CLSTN2: variants seen among roughly 807,000 people sequenced by gnomAD.
CLSTN2 encodes calsyntenin 2.
Under a neutral mutation model 101.2 loss-of-function variants are expected in CLSTN2, and 48 were observed. The observed-to-expected ratio is 0.47, with a 90% CI of 0.38 to 0.60. The LOEUF (loss-of-function observed/expected upper bound fraction) is 0.60, where lower values mean the gene tolerates loss of function less well. Ranked by LOEUF, CLSTN2 falls within the 20% of genes least tolerant of loss-of-function variation. The pLI is 0.00. For synonymous variants in CLSTN2, 481 were observed against 463.6 expected (o/e 1.04, Z -0.48); for missense variants, 1,160 against 1,238.2 (o/e 0.94, Z 0.95).
chr3:140,088,122 T>C (rs2008710289), intron 1 of CLSTN2, among the ~76,000 whole-genome samples: 1 of 152,172 alleles, frequency 6.6e-6, no homozygotes, highest in Admixed American at 6.5e-5. Flanking sequence ...TGGCCCATTA[T>C]TCGTTTCCCC....
At chr3:140,296,968 G>A in intron 2 of CLSTN2, among the ~76,000 whole-genome samples, 1 of 152,216 alleles carries the variant, frequency 6.6e-6, no homozygotes. Context: ...TGTGCTGGGT[G>A]GATGGGTGGA....
At chr3:139,996,228 C>A (rs1560065084) in intron 1 of CLSTN2, among the ~76,000 whole-genome samples, 1 of 151,746 alleles carries the variant, frequency 6.6e-6, no homozygotes, top group Non-Finnish European at 1.5e-5. Context: ...TCTTCTGGGA[C>A]TTTTTTTTCA....
chr3:140,053,789 A>C lies in CLSTN2; in HGVS notation c.109+118306A>C, dbSNP rs2008046673. Among the ~76,000 whole-genome samples, 3 of 152,164 alleles carry C rather than the reference A, an allele frequency of 2.0e-5. No individual in the cohort carries two copies. In the South Asian group the frequency reaches 6.2e-4, roughly 32 times the overall value. ...GCCTGTTTCATTATGTGTGAAATGGAATCAATAACACCTATCTCAGGGGGT... is the reference window on the plus strand; with the variant it reads ...GCCTGTTTCATTATGTGTGAAATGGCATCAATAACACCTATCTCAGGGGGT... On this transcript the variant is annotated intron_variant, in intron 1 of 16. Transcript: ENST00000458420.
At chr3:140,471,271 G>A (rs1933841175) in intron 8 of CLSTN2, among the ~76,000 whole-genome samples, 1 of 152,134 alleles carries the variant, frequency 6.6e-6, no homozygotes. Context: ...AATATCATTT[G>A]GATATGGTTG....
Position 139,935,344 on chromosome 3 carries a change from C to T in CLSTN2, c.-31C>T, listed in dbSNP as rs1004842964. 6.7e-5 allele frequency: 78 copies of T among 1,157,624 alleles called. No homozygotes were observed. The highest frequency in any genetic ancestry group is 6.5e-4 in the Middle Eastern group (2 of 3,086). 71.7% of individuals were successfully genotyped at this position (1,157,624 alleles called of 1,614,324 possible). On this transcript the variant is annotated 5_prime_UTR_variant, in exon 1 of 17. Transcript: ENST00000458420. This position sits in a 1 kb window ranked among gnomAD's most constrained non-coding sequence, Gnocchi z 5.5. Reference sequence around the variant, plus strand: ...GAGAGCCGGCGCGGACAGTAGGCGGCGGCTGCAGCTCGTTGGCGGCTGCTG... The same window carrying T: ...GAGAGCCGGCGCGGACAGTAGGCGGTGGCTGCAGCTCGTTGGCGGCTGCTG...
chr3:140,330,470 G>A (rs2107928927), intron 2 of CLSTN2, among the ~76,000 whole-genome samples: 1 of 152,276 alleles, frequency 6.6e-6, no homozygotes, highest in East Asian at 1.9e-4. Flanking sequence ...AAGGATCTCT[G>A]GCAGTACTAA....
chr3:139,968,862 G>T (rs7649717), intron 1 of CLSTN2, among the ~76,000 whole-genome samples: 134,625 of 152,206 alleles, frequency 0.88, 60,450 homozygotes, highest in East Asian at 1. Context: ...TTGCTAAGTC[G>T]GTTCGCCAGC....
Position 140,095,358 on chromosome 3 carries a change from C to T in CLSTN2, c.110-80593C>T, listed in dbSNP as rs377422392. Among the ~76,000 whole-genome samples, 38 of 152,276 alleles carry T rather than the reference C, an allele frequency of 2.5e-4. 1 individual carries two copies. In the East Asian group the frequency reaches 5.8e-3, roughly 23 times the overall value. ...AAGTGGGTATGGCCCTCCTTTATTT[C>T]GATACTCCAGATTGCTTAACCATAT... is the stretch of plus-strand genomic sequence containing the variant. On this transcript the variant is annotated intron_variant, in intron 1 of 16. Transcript: ENST00000458420.
At chr3:140,350,978 C>G (rs2087599862) in intron 2 of CLSTN2, among the ~76,000 whole-genome samples, 1 of 152,162 alleles carries the variant, frequency 6.6e-6, no homozygotes, top group South Asian at 2.1e-4. Flanking sequence ...CTCAGCATCC[C>G]TTGCTTTGCT....
chr3:140,498,468 C>G lies in CLSTN2; in HGVS notation c.1344+31737C>G, dbSNP rs550841608. Reference sequence around the variant, plus strand: ...CCAGTGCCAAGTGGCTATGCCCTCACCTTTCCTGCCCCAGATGGTGCCGAG... The same window carrying G: ...CCAGTGCCAAGTGGCTATGCCCTCAGCTTTCCTGCCCCAGATGGTGCCGAG... On this transcript the variant is annotated intron_variant, in intron 8 of 16. Transcript: ENST00000458420. Among the ~76,000 whole-genome samples the G allele has an allele frequency of 3.0e-4, 46 of 152,318 alleles. 1 individual carries two copies. Among genetic ancestry groups the G allele is most frequent in the Admixed American group, 2.7e-3 (42 of 15,308 alleles).
At chr3:140,407,865 G>A (rs2088321351) in intron 4 of CLSTN2, among the ~76,000 whole-genome samples, 1 of 152,186 alleles carries the variant, frequency 6.6e-6, no homozygotes, top group Non-Finnish European at 1.5e-5. Flanking sequence ...CTGAGTGTTA[G>A]CCCCAAGACC....
rs148375948 is a variant in CLSTN2, at chr3:140,175,877, A to G, written c.110-74A>G. ...GAGTCTATGATTGGGCAAATATACA[A>G]TCTTAATAATACATTATTATGGGTT... is the stretch of plus-strand genomic sequence containing the variant. On this transcript the variant is annotated intron_variant, in intron 1 of 16. Transcript: ENST00000458420. 29 of 1,404,844 alleles carry G rather than the reference A, an allele frequency of 2.1e-5. No individual in the cohort carries two copies. In the East Asian group the frequency reaches 3.7e-4, roughly 18 times the overall value. The allele number at this position is 1,404,844 out of a possible 1,614,324, so 87.0% of individuals were successfully genotyped here. A position where few individuals can be genotyped will look rare whatever the true frequency, so the allele number is the denominator to read the frequency against.
intron 5 of CLSTN2, among the ~76,000 whole-genome samples, chr3:140,427,244 T>TATATATATATATACAC (rs371684488): frequency 2.4e-5 from 3 of 127,564 alleles, no homozygotes; most frequent in South Asian, 2.3e-4. Context: ...TATATATATA[T>TATATATATATATACAC]ACATATATAT....
intron 8 of CLSTN2, among the ~76,000 whole-genome samples, chr3:140,509,860 G>T (rs993079110): frequency 6.6e-6 from 1 of 152,226 alleles, no homozygotes; most frequent in South Asian, 2.1e-4. Flanking sequence ...CTTTGAATTA[G>T]ATAAGAGACT....
intron 1 of CLSTN2, among the ~76,000 whole-genome samples, chr3:139,942,941 A>G (rs1264087856): frequency 1.3e-5 from 2 of 152,084 alleles, no homozygotes. Flanking sequence ...CCCTCTACTC[A>G]TATCAGTCCT....
intron 1 of CLSTN2, among the ~76,000 whole-genome samples, chr3:140,029,285 G>T (rs1270402604): frequency 1.3e-5 from 2 of 152,160 alleles, no homozygotes; most frequent in Non-Finnish European, 2.9e-5. Flanking sequence ...GAAAAGAAGT[G>T]AATTCTATTC....
chr3:140,248,008 A>C (rs191064880), intron 2 of CLSTN2, among the ~76,000 whole-genome samples: 1 of 152,308 alleles, frequency 6.6e-6, no homozygotes, highest in East Asian at 1.9e-4. Context: ...CTAATCCAGC[A>C]GGATGTATGA....
intron 8 of CLSTN2, among the ~76,000 whole-genome samples, chr3:140,513,583 C>CTTCTTTTTTTTTTTTTTTTTT (rs374321434): frequency 8.5e-6 from 1 of 117,768 alleles, no homozygotes; most frequent in Non-Finnish European, 1.7e-5. Flanking sequence ...TTTTTTCTTT[C>CTTCTTTTTTTTTTTTTTTTTT]TTTTTTTTTT....
At chr3:140,399,928 A>G (rs1286359967) in intron 2 of CLSTN2, among the ~76,000 whole-genome samples, 1 of 150,894 alleles carries the variant, frequency 6.6e-6, no homozygotes, top group Non-Finnish European at 1.5e-5. Flanking sequence ...TGTGAATATT[A>G]CTCTTTACCT....
Sources: gnomAD v4.1 joint callset for allele counts (sites outside exome capture counted in the v4.1 genomes callset) on GRCh38, gnomAD v4.1.1 for gene constraint, Gnocchi (gnomAD v3.1) non-coding constraint, MANE v1.5 for transcripts, NCBI Gene and HGNC (gene_info 2026-07-23, HGNC 2026-07-21) for gene names.